Variants in DTNA observed in about 807,000 individuals in gnomAD.
The protein encoded by DTNA is dystrobrevin alpha, also known as dystrophin-related protein 3.
Under a neutral mutation model 100.7 loss-of-function variants are expected in DTNA, and 43 were observed. That is an observed-to-expected ratio of 0.43 (90% CI 0.33 to 0.55). DTNA has a LOEUF of 0.55. Among genes scored for constraint, DTNA ranks in the 20% least tolerant of loss-of-function variants. The pLI is 0.04. For synonymous variants in DTNA, 349 were observed against 347.9 expected (o/e 1.00, Z -0.04); for missense variants, 798 against 953.9 (o/e 0.84, Z 2.15).
intron 18 of DTNA, 38 bp from the exon 19 acceptor site, chr18:34,877,681 A>C: frequency 6.4e-7 from 1 of 1,573,298 alleles, no homozygotes. Flanking sequence ...GGATAGAAGG[A>C]AGCTTTGGTT....
intron 1 of DTNA, among the ~76,000 whole-genome samples, chr18:34,578,917 A>C (rs2048364736): frequency 6.6e-6 from 1 of 152,010 alleles, no homozygotes; most frequent in Non-Finnish European, 1.5e-5. Flanking sequence ...TAAGTCTACC[A>C]TCTTAGTATT....
intron 1 of DTNA, among the ~76,000 whole-genome samples, chr18:34,728,617 G>T (rs1488567424): frequency 6.6e-6 from 1 of 152,046 alleles, no homozygotes; most frequent in Non-Finnish European, 1.5e-5. Flanking sequence ...CAAGGACTTG[G>T]GTACAGTTGG....
chr18:34,554,818 A>G (rs926761256), intron 1 of DTNA, among the ~76,000 whole-genome samples: 14 of 149,750 alleles, frequency 9.3e-5, no homozygotes, highest in Non-Finnish European at 1.6e-4. Context: ...TTCATCAAGG[A>G]TATTGGTCTA....
rs192071002 is a variant in DTNA, at chr18:34,581,649, T to A, written c.-2+88135T>A. Among the ~76,000 whole-genome samples the A allele has an allele frequency of 1.6e-3, 207 of 131,670 alleles. 2 individuals are homozygous for A. In the East Asian group the frequency reaches 0.037, roughly 24 times the overall value. The allele number at this position is 131,670 out of a possible 152,430, so 86.4% of individuals were successfully genotyped here. A position where few individuals can be genotyped will look rare whatever the true frequency, so the allele number is the denominator to read the frequency against. On this transcript the variant is annotated intron_variant, in intron 1 of 19. Transcript: ENST00000283365. ...TTTTTTTTTTTTTTTTGTGACGGAGTCTTGCTCTGTCACCAGGCTGGCGTG... is the reference window on the plus strand; with the variant it reads ...TTTTTTTTTTTTTTTTGTGACGGAGACTTGCTCTGTCACCAGGCTGGCGTG...
At chr18:34,762,721 A>G (rs984183704) in intron 2 of DTNA, among the ~76,000 whole-genome samples, 2 of 152,180 alleles carry the variant, frequency 1.3e-5, no homozygotes, top group Admixed American at 6.5e-5. Flanking sequence ...GTGCTGCTAT[A>G]TCTGACACAC....
chr18:34,731,302 A>T (rs1172522931), intron 1 of DTNA, among the ~76,000 whole-genome samples: 1 of 151,514 alleles, frequency 6.6e-6, no homozygotes, highest in Non-Finnish European at 1.5e-5. Context: ...ACAAGGTGAA[A>T]CCCCGTCTCT....
At chr18:34,598,716 A>T (rs1481105629) in intron 1 of DTNA, among the ~76,000 whole-genome samples, 2 of 152,124 alleles carry the variant, frequency 1.3e-5, no homozygotes, top group Admixed American at 1.3e-4. Flanking sequence ...ACAAAAAAAA[A>T]TTAGCCAGGT....
intron 6 of DTNA, 126 bp downstream of exon 6, chr18:34,812,239 T>G (rs1307991581): frequency 5.8e-6 from 8 of 1,382,304 alleles, no homozygotes; most frequent in Non-Finnish European, 7.0e-6. Context: ...TATTGTATTT[T>G]TCAGCCTCTG....
chr18:34,533,055 A>G (rs952879001), intron 1 of DTNA, among the ~76,000 whole-genome samples: 3 of 151,870 alleles, frequency 2.0e-5, no homozygotes, highest in Admixed American at 6.6e-5. Context: ...TCAAAAGTAG[A>G]CTCACTATTT....
chr18:34,799,917 AAGG>A (rs2095141885), intron 4 of DTNA, among the ~76,000 whole-genome samples: 1 of 152,122 alleles, frequency 6.6e-6, no homozygotes, highest in African/African-American at 2.4e-5. Flanking sequence ...CCGGCGCTAT[AAGG>A]AGTACTTTTC....
chr18:34,653,629 C>T (rs2073943206), intron 1 of DTNA, among the ~76,000 whole-genome samples: 1 of 152,062 alleles, frequency 6.6e-6, no homozygotes, highest in South Asian at 2.1e-4. Flanking sequence ...TTGAGACCAG[C>T]CTGGTCAACG....
At chr18:34,753,540 G>A (rs1400051772) in intron 1 of DTNA, among the ~76,000 whole-genome samples, 1 of 146,126 alleles carries the variant, frequency 6.8e-6, no homozygotes, top group East Asian at 1.9e-4. Flanking sequence ...CCGCCACTAC[G>A]CCCGGCTAAT....
intron 17 of DTNA, among the ~76,000 whole-genome samples, chr18:34,873,132 A>G (rs2096781560): frequency 6.6e-6 from 1 of 152,232 alleles, no homozygotes; most frequent in African/African-American, 2.4e-5. Context: ...GTACCACTGT[A>G]CTAGGAAAAT....
intron 14 of DTNA, among the ~76,000 whole-genome samples, chr18:34,850,404 G>A (rs994348793): frequency 6.6e-5 from 10 of 152,118 alleles, no homozygotes; most frequent in Admixed American, 1.3e-4. Flanking sequence ...ATTAGCTACC[G>A]AAAGTCATTT....
intron 14 of DTNA, 46 bp downstream of exon 14, chr18:34,848,429 C>G (rs1272911562): frequency 6.3e-7 from 1 of 1,585,686 alleles, no homozygotes; most frequent in Non-Finnish European, 8.7e-7. Flanking sequence ...ATCTGGGATC[C>G]TTGAATTTTA....
chr18:34,876,663 G>A (rs563269260), intron 18 of DTNA, among the ~76,000 whole-genome samples: 19 of 152,194 alleles, frequency 1.2e-4, no homozygotes, highest in East Asian at 3.9e-4. Flanking sequence ...AGGTACTCTC[G>A]TCCATGTAGA....
At position 34,656,524 on chromosome 18, in the gene DTNA, C is replaced by G. The variant is rs16965749; in HGVS notation, c.-1-99452C>G. 1.8e-4 allele frequency among the ~76,000 whole-genome samples: 28 copies of G among 152,252 alleles called. No individual in the cohort carries two copies. The South Asian group carries it at 5.6e-3, about 30-fold the overall frequency. On this transcript the variant is annotated intron_variant, in intron 1 of 19. Transcript: ENST00000283365. Reference sequence around the variant, plus strand: ...CCTTCCCTTCTGAACTTCCAGGTCACGGAGCAGTCCCCAAATGCTTTTTAC... The same window carrying G: ...CCTTCCCTTCTGAACTTCCAGGTCAGGGAGCAGTCCCCAAATGCTTTTTAC...
intron 5 of DTNA, among the ~76,000 whole-genome samples, chr18:34,808,678 G>A (rs1421653941): frequency 1.3e-5 from 2 of 152,104 alleles, no homozygotes; most frequent in Non-Finnish European, 2.9e-5. Flanking sequence ...GTTCTCTCTT[G>A]GGCCCAGGAG....
At chr18:34,605,750 A>AGCG (rs1285486588) in intron 1 of DTNA, among the ~76,000 whole-genome samples, 2 of 152,104 alleles carry the variant, frequency 1.3e-5, no homozygotes, top group Non-Finnish European at 2.9e-5. Context: ...TAGCAGACAC[A>AGCG]GCTAGGGTTG....
Sources: gnomAD v4.1 joint callset for allele counts (sites outside exome capture counted in the v4.1 genomes callset) on GRCh38, gnomAD v4.1.1 for gene constraint, MANE v1.5 for transcripts, NCBI Gene and HGNC (gene_info 2026-07-23, HGNC 2026-07-21) for gene names.